FAM53B: variants seen among roughly 807,000 people sequenced by gnomAD.
The protein encoded by FAM53B is family with sequence similarity 53 member B, also known as protein FAM53B.
A neutral mutation model predicts 32.7 loss-of-function variants in FAM53B; 12 were observed. That is an observed-to-expected ratio of 0.37 (90% CI 0.24 to 0.59). The LOEUF is 0.59. FAM53B is among the 20% of genes least tolerant of loss of function. The pLI, the probability that FAM53B is intolerant of heterozygous loss-of-function variation, is 0.72. For missense variants in FAM53B, 477 were observed against 577.7 expected (o/e 0.83, Z 1.79); for synonymous variants, 234 against 228.7 (o/e 1.02, Z -0.21).
At chr10:124,729,780 G>A (rs555345583) in intron 1 of FAM53B, among the ~76,000 whole-genome samples, 4 of 152,344 alleles carry the variant, frequency 2.6e-5, no homozygotes, top group Admixed American at 6.5e-5. Context: ...TCCACACTCA[G>A]AGTCTATCAG....
intron 2 of FAM53B, among the ~76,000 whole-genome samples, chr10:124,704,993 A>C (rs1445989262): frequency 1.3e-5 from 2 of 152,208 alleles, no homozygotes; most frequent in Non-Finnish European, 2.9e-5. Context: ...TGGTCACAGC[A>C]GCTCTACTCC....
intron 3 of FAM53B, among the ~76,000 whole-genome samples, chr10:124,690,719 C>T (rs540740222): frequency 6.6e-5 from 10 of 152,264 alleles, no homozygotes; most frequent in African/African-American, 2.4e-4. Flanking sequence ...TATGGACAAA[C>T]TATTTTAGAG....
rs575203522 is a variant in FAM53B at position 124,678,541 on chromosome 10, A to T, written c.906+3066T>A. Among the ~76,000 whole-genome samples the T allele has an allele frequency of 4.6e-5, 7 of 152,282 alleles. No individual in the cohort carries two copies. The South Asian group carries it at 1.4e-3, about 32-fold the overall frequency. On this transcript the variant is annotated intron_variant, in intron 4 of 4. Coordinates refer to ENST00000337318, the MANE Select transcript of FAM53B (RefSeq NM_014661.4). ...CTGGTTTGTCAATGTCACCTTCTAAATGCAGATCCAAAAGTGAACACCATG... is the reference window on the plus strand; with the variant it reads ...CTGGTTTGTCAATGTCACCTTCTAATTGCAGATCCAAAAGTGAACACCATG...
rs939721239 is a variant in FAM53B at position 124,621,734 on chromosome 10, C to T, written c.*1508G>A. On this transcript the variant is annotated 3_prime_UTR_variant, in exon 5 of 5. Coordinates refer to ENST00000337318, the MANE Select transcript of FAM53B (RefSeq NM_014661.4). ...AGCATCTGGACTCAACCTGCAGAAG[C>T]GAGGCGTTCACTCGTCCATGAAGAC... 1 of 152,228 alleles carries T rather than the reference C, an allele frequency of 6.6e-6. No individual in the cohort carries two copies. Among genetic ancestry groups the T allele is most frequent in the African/African-American group, 2.4e-5 (1 of 41,444 alleles). 9.4% of individuals were successfully genotyped at this position (152,228 alleles called of 1,614,324 possible).
intron 4 of FAM53B, among the ~76,000 whole-genome samples, chr10:124,645,615 G>A (rs1212924441): frequency 6.6e-6 from 1 of 152,232 alleles, no homozygotes. Flanking sequence ...CTTTGGCAGT[G>A]GGTCTCAGGC....
At chr10:124,647,916 C>T (rs891598741) in intron 4 of FAM53B, among the ~76,000 whole-genome samples, 2 of 152,152 alleles carry the variant, frequency 1.3e-5, no homozygotes, top group Non-Finnish European at 2.9e-5. Flanking sequence ...GGTCAGTAGC[C>T]ACATGGAGCT....
chr10:124,739,275 G>A (rs190263459), intron 1 of FAM53B, among the ~76,000 whole-genome samples: 111 of 152,362 alleles, frequency 7.3e-4, no homozygotes, highest in Admixed American at 2.6e-3. Context: ...TCTGCCTTCC[G>A]GCTATGTGGC....
chr10:124,620,361 C>CCCCCCT lies in FAM53B; in HGVS notation c.*2880_*2881insAGGGGG, dbSNP rs1554901005. The CCCCCCT allele has an allele frequency of 6.9e-6, 1 of 145,082 alleles. No individual in the cohort carries two copies. Among genetic ancestry groups the CCCCCCT allele is most frequent in the Non-Finnish European group, 1.5e-5 (1 of 65,778 alleles). 9.0% of individuals were successfully genotyped at this position (145,082 alleles called of 1,614,324 possible). ...GGGGTGCATGTGGCACTAAGCCCCC[C>CCCCCCT]CCACCGCCCCGGCTTTCCTGCAGGC... On this transcript the variant is annotated 3_prime_UTR_variant, in exon 5 of 5. Transcript: ENST00000337318.
chr10:124,705,688 G>A (rs1279464793), intron 2 of FAM53B: 1 of 152,354 alleles, frequency 6.6e-6, no homozygotes, highest in African/African-American at 2.4e-5. Flanking sequence ...CACACGGAAG[G>A]CGCTCTGTGA....
chr10:124,671,876 T>C (rs552754085), intron 4 of FAM53B, among the ~76,000 whole-genome samples: 1 of 152,204 alleles, frequency 6.6e-6, no homozygotes, highest in Non-Finnish European at 1.5e-5. Flanking sequence ...TGGCCATAAA[T>C]AGGCAATTAA....
chr10:124,699,403 A>G (rs555148071), intron 2 of FAM53B, among the ~76,000 whole-genome samples: 45 of 152,336 alleles, frequency 3.0e-4, no homozygotes, highest in Non-Finnish European at 5.0e-4. Context: ...TCAGTGGGGA[A>G]GGGCTGAGAG....
intron 4 of FAM53B, among the ~76,000 whole-genome samples, chr10:124,648,926 C>T (rs1038429420): frequency 1.3e-5 from 2 of 152,224 alleles, no homozygotes; most frequent in East Asian, 1.9e-4. Context: ...CCACAACAAG[C>T]GAGCCACTTG....
chr10:124,689,014 C>T (rs2134073199), intron 3 of FAM53B, among the ~76,000 whole-genome samples: 1 of 152,266 alleles, frequency 6.6e-6, no homozygotes, highest in Non-Finnish European at 1.5e-5. Context: ...TACGAAATGC[C>T]CCGATTAGCA....
chr10:124,685,612 G>A (rs1328665832), intron 3 of FAM53B, among the ~76,000 whole-genome samples: 2 of 152,228 alleles, frequency 1.3e-5, no homozygotes, highest in African/African-American at 2.4e-5. Flanking sequence ...AGGCCTCGGG[G>A]AAACCCGTGA....
chr10:124,635,649 C>T (rs1281819605), intron 4 of FAM53B, among the ~76,000 whole-genome samples: 1 of 152,144 alleles, frequency 6.6e-6, no homozygotes, highest in African/African-American at 2.4e-5. Context: ...CGACATCCTC[C>T]AAGAGGCCAA....
intron 4 of FAM53B, among the ~76,000 whole-genome samples, chr10:124,668,448 G>A (rs1184325247): frequency 6.6e-6 from 1 of 152,244 alleles, no homozygotes; most frequent in Non-Finnish European, 1.5e-5. Context: ...AACTCTCTAG[G>A]TGAATCAGGC....
intron 1 of FAM53B, among the ~76,000 whole-genome samples, chr10:124,738,581 G>A (rs1010838519): frequency 1.3e-5 from 2 of 151,638 alleles, no homozygotes; most frequent in Admixed American, 1.3e-4. Context: ...ACACCCCCCC[G>A]AGAAGCAACC....
At chr10:124,667,600 TC>T (rs1949681140) in intron 4 of FAM53B, among the ~76,000 whole-genome samples, 1 of 152,232 alleles carries the variant, frequency 6.6e-6, no homozygotes, top group Admixed American at 6.5e-5. Context: ...AGGCTCCTGT[TC>T]CTGGTGCCTG....
At chr10:124,637,771 C>T (rs1249143640) in intron 4 of FAM53B, among the ~76,000 whole-genome samples, 1 of 152,206 alleles carries the variant, frequency 6.6e-6, no homozygotes, top group East Asian at 1.9e-4. Flanking sequence ...CCATGGAGTG[C>T]CCTCCATAGG....
Sources: gnomAD v4.1 joint callset for allele counts (sites outside exome capture counted in the v4.1 genomes callset) on GRCh38, gnomAD v4.1.1 for gene constraint, MANE v1.5 for transcripts, NCBI Gene and HGNC (gene_info 2026-07-23, HGNC 2026-07-21) for gene names.